SLC25A38: variants seen among roughly 807,000 people sequenced by gnomAD.
SLC25A38 encodes the protein solute carrier family 25 member 38.
A neutral mutation model predicts 33.4 loss-of-function variants in SLC25A38; 27 were observed. The ratio of observed to expected loss-of-function variants is 0.81; its 90% confidence interval spans 0.60 to 1.11. SLC25A38 has a LOEUF of 1.11. Ranked by LOEUF, SLC25A38 falls within the 50% of genes most tolerant of loss-of-function variation. SLC25A38 has a pLI of 0.00. For missense variants in SLC25A38, 344 were observed against 388.8 expected (o/e 0.88, Z 0.97); for synonymous variants, 123 against 145.9 (o/e 0.84, Z 1.13).
At chr3:39,386,875 G>A (rs1295082404) in intron 1 of SLC25A38, among the ~76,000 whole-genome samples, 3 of 152,150 alleles carry the variant, frequency 2.0e-5, no homozygotes, top group Non-Finnish European at 2.9e-5. Flanking sequence ...GTGGGAGAAA[G>A]GTAAGTTCAG....
chr3:39,389,287 C>T lies in SLC25A38; in HGVS notation c.70-208C>T. 1.3e-6 allele frequency: 1 copy of T among 780,748 alleles called. No homozygotes were observed. The highest frequency in any genetic ancestry group is 2.2e-6 in the Non-Finnish European group (1 of 454,708). 48.4% of individuals were successfully genotyped at this position (780,748 alleles called of 1,614,324 possible). ...ATCAGCAATACGAAGACCAGAGATA[C>T]CTCTTGCAGCATCCAATGTCCTCAA... is the stretch of plus-strand genomic sequence containing the variant. On this transcript the variant is annotated intron_variant, in intron 1 of 6. Coordinates refer to ENST00000650617, the MANE Select transcript of SLC25A38 (RefSeq NM_017875.4). This position sits in a 1 kb window ranked among gnomAD's most constrained non-coding sequence, Gnocchi z 4.5.
chr3:39,392,107 T>A, intron 5 of SLC25A38, 86 bp downstream of exon 5: 1 of 1,552,272 alleles, frequency 6.4e-7, no homozygotes, highest in Non-Finnish European at 8.9e-7. Context: ...ACTATGTGTT[T>A]CTCTTAGCAG....
chr3:39,387,463 G>A (rs2041718992), intron 1 of SLC25A38, among the ~76,000 whole-genome samples: 1 of 152,162 alleles, frequency 6.6e-6, no homozygotes, highest in African/African-American at 2.4e-5. Flanking sequence ...TGAGGGCTTG[G>A]TCAGTGGGAC....
chr3:39,392,872 T>C lies in SLC25A38; in HGVS notation c.625+851T>C, dbSNP rs2041788159. On this transcript the variant is annotated intron_variant, in intron 5 of 6. Coordinates refer to ENST00000650617, the MANE Select transcript of SLC25A38 (RefSeq NM_017875.4). Reference sequence around the variant, plus strand: ...GTAACTCTGCAGGTCACAGCCTTATTTTGTGACAGAAAGTTAAGGCAATAA... The same window carrying C: ...GTAACTCTGCAGGTCACAGCCTTATCTTGTGACAGAAAGTTAAGGCAATAA... Among the ~76,000 whole-genome samples, 4 of 152,176 alleles carry C rather than the reference T, an allele frequency of 2.6e-5. No homozygotes were observed. In the South Asian group the frequency reaches 8.3e-4, roughly 31 times the overall value.
intron 4 of SLC25A38, 99 bp downstream of exon 4, chr3:39,391,719 T>TA (rs2041771002): frequency 1.2e-6 from 2 of 1,600,210 alleles, no homozygotes; most frequent in Non-Finnish European, 1.7e-6. Flanking sequence ...TAATCTAACA[T>TA]AGAGTCTGAT....
At position 39,383,445 on chromosome 3, in the gene SLC25A38, G is replaced by A. The variant is rs1452703321; in HGVS notation, c.-280G>A. On this transcript the variant is annotated 5_prime_UTR_variant, in exon 1 of 7. Coordinates refer to ENST00000650617, the MANE Select transcript of SLC25A38 (RefSeq NM_017875.4). ...CTACGGTGCTGAAGCCTGCAGCAGG[G>A]CAGGATGGGCAGGAGAGCAGAGCCG... 2 of 499,532 alleles carry A rather than the reference G, an allele frequency of 4.0e-6. No individual in the cohort carries two copies. Among genetic ancestry groups the A allele is most frequent in the African/African-American group, 3.9e-5 (2 of 51,422 alleles). The allele number at this position is 499,532 out of a possible 1,614,324, so 30.9% of individuals were successfully genotyped here.
In SLC25A38 at chr3:39,396,564, G is replaced by A. The variant is rs762247561; in HGVS notation, c.*44G>A. On this transcript the variant is annotated 3_prime_UTR_variant, in exon 7 of 7. Transcript: ENST00000650617. ...CGGGTGAAATCTGTTGCCCTGCTTGGTTTCTGCCAAGGGCTGCTGCTTCTT... is the reference window on the plus strand; with the variant it reads ...CGGGTGAAATCTGTTGCCCTGCTTGATTTCTGCCAAGGGCTGCTGCTTCTT... 2 of 1,613,438 alleles carry A rather than the reference G, an allele frequency of 1.2e-6. No individual in the cohort carries two copies. Among genetic ancestry groups the A allele is most frequent in the African/African-American group, 2.7e-5 (2 of 75,030 alleles).
chr3:39,396,737 C>T lies in SLC25A38; in HGVS notation c.*217C>T. ...AAAGAGGAGTCATCAATTCATAGAG[C>T]ACACTAGGGTGTTAGGAGAGAGCTT... On this transcript the variant is annotated 3_prime_UTR_variant, in exon 7 of 7. Transcript: ENST00000650617. 1.5e-6 allele frequency: 1 copy of T among 685,984 alleles called. No individual in the cohort carries two copies. The highest frequency in any genetic ancestry group is 2.5e-6 in the Non-Finnish European group (1 of 403,256). The allele number at this position is 685,984 out of a possible 1,614,324, so 42.5% of individuals were successfully genotyped here.
At chr3:39,385,092 G>A (rs889898420) in intron 1 of SLC25A38, among the ~76,000 whole-genome samples, 1 of 152,098 alleles carries the variant, frequency 6.6e-6, no homozygotes, top group Non-Finnish European at 1.5e-5. Flanking sequence ...GTGAGCCACC[G>A]CGCTTGGCCT....
rs780580406 is a variant in SLC25A38, at chr3:39,390,518, A to G, written c.276+11A>G. On this transcript the variant is annotated intron_variant, in intron 3 of 6. Coordinates refer to ENST00000650617, the MANE Select transcript of SLC25A38 (RefSeq NM_017875.4). ...AAAGGGATGTCCCCTGTAAGCTGCC[A>G]TCTGGGTCTAGGTTCCCTAGCATCC... is the stretch of plus-strand genomic sequence containing the variant. The G allele has an allele frequency of 8.1e-6, 13 of 1,613,964 alleles. No homozygotes were observed. Among genetic ancestry groups the G allele is most frequent in the Non-Finnish European group, 1.0e-5 (12 of 1,179,856 alleles).
intron 2 of SLC25A38, 80 bp from the exon 3 acceptor site, chr3:39,390,343 G>T: frequency 1.5e-6 from 2 of 1,377,938 alleles, no homozygotes; most frequent in Non-Finnish European, 2.1e-6. Flanking sequence ...TATAAAGGAA[G>T]TGTTTGAGTG....
chr3:39,392,868 TTA>T (rs2041788081), intron 5 of SLC25A38, among the ~76,000 whole-genome samples: 1 of 152,224 alleles, frequency 6.6e-6, no homozygotes, highest in Non-Finnish European at 1.5e-5. Flanking sequence ...GGTCACAGCC[TTA>T]TTTTGTGACA....
Position 39,396,771 on chromosome 3 carries a change from C to CT in SLC25A38, c.*252dup. The CT allele has an allele frequency of 1.8e-6, 1 of 547,616 alleles. No individual in the cohort carries two copies. The highest frequency in any genetic ancestry group is 3.2e-6 in the Non-Finnish European group (1 of 311,114). The allele number at this position is 547,616 out of a possible 1,614,324, so 33.9% of individuals were successfully genotyped here. ...GTGTTAGGAGAGAGCTTTGCATACT[C>CT]TGAGAGGCTACTTGGAAAGGCATTT... is the stretch of plus-strand genomic sequence containing the variant. On this transcript the variant is annotated 3_prime_UTR_variant, in exon 7 of 7. Coordinates refer to ENST00000650617, the MANE Select transcript of SLC25A38 (RefSeq NM_017875.4).
chr3:39,384,329 T>G, intron 1 of SLC25A38: 114 of 210,966 alleles, frequency 5.4e-4, no homozygotes, highest in Non-Finnish European at 7.8e-4. Flanking sequence ...CGGCGTTCGA[T>G]TGGTCATCGT....
chr3:39,391,100 C>T (rs866332402), intron 3 of SLC25A38, among the ~76,000 whole-genome samples: 1 of 152,194 alleles, frequency 6.6e-6, no homozygotes, highest in African/African-American at 2.4e-5. Flanking sequence ...CATTTCCAAA[C>T]CCACAGAGTC....
Position 39,396,601 on chromosome 3 carries a change from G to A in SLC25A38, c.*81G>A, listed in dbSNP as rs991282795. ...GGCTGCTGCTTCTTACTATTCTGCA[G>A]TAAGATGAAGTCCTACCTGGAAAAC... On this transcript the variant is annotated 3_prime_UTR_variant, in exon 7 of 7. Coordinates refer to ENST00000650617, the MANE Select transcript of SLC25A38 (RefSeq NM_017875.4). 1 of 1,608,254 alleles carries A rather than the reference G, an allele frequency of 6.2e-7. No individual in the cohort carries two copies. Among genetic ancestry groups the A allele is most frequent in the African/African-American group, 1.3e-5 (1 of 74,788 alleles).
chr3:39,390,152 G>A (rs2041745921), intron 2 of SLC25A38, among the ~76,000 whole-genome samples: 2 of 152,252 alleles, frequency 1.3e-5, no homozygotes, highest in Non-Finnish European at 2.9e-5. Context: ...TGTTGGCCAG[G>A]CTGGTCTCAA....
Position 39,391,423 on chromosome 3 carries a change from C to T in SLC25A38, c.277-18C>T, listed in dbSNP as rs770749797. 3 of 1,612,694 alleles carry T rather than the reference C, an allele frequency of 1.9e-6. No homozygotes were observed. Among genetic ancestry groups the T allele is most frequent in the Non-Finnish European group, 2.5e-6 (3 of 1,179,974 alleles). On this transcript the variant is annotated intron_variant, in intron 3 of 6. Transcript: ENST00000650617. ...TGTTTGGTCTTTGATTTTCTTTTCT[C>T]CCTGACCTTCTCTGCAGTCCATTGT...
intron 3 of SLC25A38, among the ~76,000 whole-genome samples, chr3:39,390,871 G>T (rs1484451705): frequency 2.0e-5 from 3 of 152,140 alleles, no homozygotes; most frequent in African/African-American, 7.2e-5. Context: ...CAAGGAATTA[G>T]TGCCCAGCCC....
Sources: gnomAD v4.1 joint callset for allele counts (sites outside exome capture counted in the v4.1 genomes callset) on GRCh38, gnomAD v4.1.1 for gene constraint, Gnocchi (gnomAD v3.1) non-coding constraint, MANE v1.5 for transcripts, NCBI Gene and HGNC (gene_info 2026-07-23, HGNC 2026-07-21) for gene names.